The following GNAI2 variants were observed in gnomAD, a reference collection of about 807,000 sequenced individuals.
GNAI2 encodes the protein G protein subunit alpha i2, also known as guanine nucleotide-binding protein G(i) subunit alpha-2.
In GNAI2, 4 loss-of-function variants were observed where a neutral mutation model predicts 36.8. The ratio of observed to expected loss-of-function variants is 0.11; its 90% CI spans 0.05 to 0.25. GNAI2 has a LOEUF of 0.25. GNAI2 is among the 10% of genes least tolerant of loss of function. The pLI, the probability that GNAI2 is intolerant of heterozygous loss-of-function variation, is 1.00. For missense variants in GNAI2, 230 were observed against 481.3 expected (o/e 0.48, Z 4.89); for synonymous variants, 194 against 194.1 (o/e 1.00, Z 0.01).
chr3:50,256,038 CTG>C (rs1450122887), intron 4 of GNAI2, among the ~76,000 whole-genome samples, 152 bp from the exon 5 acceptor site: 1 of 106,864 alleles, frequency 9.4e-6, no homozygotes, highest in Non-Finnish European at 1.7e-5. Flanking sequence ...GAGTAACACT[CTG>C]TCTCAAAAAA....
chr3:50,240,898 G>C (rs1429280394), intron 1 of GNAI2, among the ~76,000 whole-genome samples: 1 of 145,626 alleles, frequency 6.9e-6, no homozygotes, highest in African/African-American at 2.6e-5. Flanking sequence ...CAGCCTGGGG[G>C]ACAGAGCAAG....
intron 4 of GNAI2, among the ~76,000 whole-genome samples, chr3:50,254,072 GC>G (rs782077852): frequency 2.0e-5 from 3 of 151,974 alleles, no homozygotes; most frequent in Non-Finnish European, 4.4e-5. Flanking sequence ...CTGGACCTCA[GC>G]TGTGACCCTC....
rs372024179 is a variant in GNAI2 at position 50,253,226 on chromosome 3, G to A, written c.464+42G>A. The A allele has an allele frequency of 2.3e-5, 35 of 1,540,750 alleles. No individual in the cohort carries two copies. Among genetic ancestry groups the A allele is most frequent in the Middle Eastern group, 1.7e-4 (1 of 5,834 alleles). ...GCTGGGCAGGGCAGGGCAGGGGCTG[G>A]GGGAGGACTAAAGGCTGGACCGGAG... On this transcript the variant is annotated intron_variant, in intron 4 of 8. Coordinates refer to ENST00000313601, the MANE Select transcript of GNAI2 (RefSeq NM_002070.4). This position sits in a 1 kb window ranked among gnomAD's most constrained non-coding sequence, Gnocchi z 4.2.
At chr3:50,228,544 C>T (rs1478702134), upstream of GNAI2, among the ~76,000 whole-genome samples, 1 of 141,674 alleles carries the variant, frequency 7.1e-6, no homozygotes, top group Non-Finnish European at 1.5e-5. Flanking sequence ...AGCAAGACTC[C>T]GTCTCCAAAA....
At chr3:50,249,092 C>T (rs1312624647) in intron 1 of GNAI2, among the ~76,000 whole-genome samples, 2 of 152,218 alleles carry the variant, frequency 1.3e-5, no homozygotes, top group African/African-American at 4.8e-5. Flanking sequence ...CCCGAAGTCA[C>T]ACAAGATGGG....
At chr3:50,250,569 A>G (rs1700530623) in intron 1 of GNAI2, among the ~76,000 whole-genome samples, 1 of 152,192 alleles carries the variant, frequency 6.6e-6, no homozygotes, top group African/African-American at 2.4e-5. Context: ...GAGCAGGAGC[A>G]CAGGGTCTGG....
At position 50,236,507 on chromosome 3, in the gene GNAI2, A is replaced by G. The variant is rs1373122704; in HGVS notation, c.118+54A>G. 2 of 1,550,346 alleles carry G rather than the reference A, an allele frequency of 1.3e-6. No individual in the cohort carries two copies. The highest frequency in any genetic ancestry group is 1.7e-6 in the Non-Finnish European group (2 of 1,154,078). The stretch of plus-strand genomic sequence containing the variant: ...TGATTCCCAGCTCGAATCCCCAGAC[A>G]AGGACTTTGACCTCCCAGACTAGGG... On this transcript the variant is annotated intron_variant, in intron 1 of 8. Coordinates refer to ENST00000313601, the MANE Select transcript of GNAI2 (RefSeq NM_002070.4). The surrounding 1 kb of genome is among the most constrained non-coding windows in gnomAD (Gnocchi z 4.0).
Position 50,258,774 on chromosome 3 carries a change from C to T in GNAI2, c.*431C>T. 2.6e-6 allele frequency: 1 copy of T among 382,254 alleles called. No homozygotes were observed. 23.7% of individuals were successfully genotyped at this position (382,254 alleles called of 1,614,324 possible). On this transcript the variant is annotated 3_prime_UTR_variant, in exon 9 of 9. Coordinates refer to ENST00000313601, the MANE Select transcript of GNAI2 (RefSeq NM_002070.4). ...GTTTACAGGGAGCCTCCTGCCCAGTCCCCCAACCCCAGCCGCTCGGAGGCC... is the reference window on the plus strand; with the variant it reads ...GTTTACAGGGAGCCTCCTGCCCAGTTCCCCAACCCCAGCCGCTCGGAGGCC...
At position 50,252,303 on chromosome 3, in the gene GNAI2, T is replaced by C; in HGVS notation, c.162-94T>C. On this transcript the variant is annotated intron_variant, in intron 2 of 8. Transcript: ENST00000313601. This position sits in a 1 kb window ranked among gnomAD's most constrained non-coding sequence, Gnocchi z 4.1. ...AGGTCCCAGTGGGTCAGGGGCAGTT[T>C]TCCCTTCTCTGAAGCAGGTCCCAGT... 1 of 1,474,844 alleles carries C rather than the reference T, an allele frequency of 6.8e-7. No homozygotes were observed. The allele number at this position is 1,474,844 out of a possible 1,614,324, so 91.4% of individuals were successfully genotyped here.
At chr3:50,231,015 C>G in intron 1 of GNAI2, 2 of 954,912 alleles carry the variant, frequency 2.1e-6, no homozygotes, top group Non-Finnish European at 2.5e-6. Flanking sequence ...TTCTTCAGCT[C>G]TCAGCCTTAA....
intron 1 of GNAI2, among the ~76,000 whole-genome samples, chr3:50,239,204 C>G (rs1379019500): frequency 2.0e-5 from 3 of 152,136 alleles, no homozygotes; most frequent in Admixed American, 2.0e-4. Flanking sequence ...TGGGATGGGC[C>G]TGTGTGGACA....
chr3:50,234,066 T>G, upstream of GNAI2, among the ~76,000 whole-genome samples: 1 of 143,704 alleles, frequency 7.0e-6, no homozygotes, highest in Admixed American at 6.9e-5. Context: ...CAGCTGATTT[T>G]TTTTTTTTTT....
intron 1 of GNAI2, among the ~76,000 whole-genome samples, chr3:50,245,536 C>T (rs1700395753): frequency 6.6e-6 from 1 of 152,236 alleles, no homozygotes; most frequent in African/African-American, 2.4e-5. Context: ...GCCTTGGGAA[C>T]AGCGGAGGGA....
At chr3:50,251,638 TCA>T (rs1559773163) in intron 1 of GNAI2, 1 of 1,319,332 alleles carries the variant, frequency 7.6e-7, no homozygotes, top group African/African-American at 1.5e-5. Flanking sequence ...TTGCTAAGGC[TCA>T]GTGTGGGGAG....
intron 1 of GNAI2, chr3:50,231,069 C>G (rs1700058984): frequency 6.0e-6 from 2 of 332,390 alleles, no homozygotes; most frequent in East Asian, 1.7e-4. Flanking sequence ...CTCAGACCTA[C>G]CACCCTACCT....
chr3:50,249,672 C>T (rs781880617), intron 1 of GNAI2, among the ~76,000 whole-genome samples: 1 of 152,228 alleles, frequency 6.6e-6, no homozygotes, highest in Non-Finnish European at 1.5e-5. Flanking sequence ...AATTCCAGAA[C>T]ATAATCACCA....
At chr3:50,230,869 A>G in exon 1 of GNAI2, 1 of 985,396 alleles carries the variant, frequency 1.0e-6, no homozygotes, top group Non-Finnish European at 1.2e-6. Context: ...CCCCAAAATG[A>G]ACTCTCCTGA....
At position 50,252,295 on chromosome 3, in the gene GNAI2, G is replaced by A; in HGVS notation, c.162-102G>A. 2.1e-6 allele frequency: 3 copies of A among 1,434,012 alleles called. No individual in the cohort carries two copies. The highest frequency in any genetic ancestry group is 2.9e-6 in the Non-Finnish European group (3 of 1,023,966). 88.8% of individuals were successfully genotyped at this position (1,434,012 alleles called of 1,614,324 possible). On this transcript the variant is annotated intron_variant, in intron 2 of 8. Transcript: ENST00000313601. The surrounding 1 kb of genome is among the most constrained non-coding windows in gnomAD (Gnocchi z 4.1). ...GGACCCTCAGGTCCCAGTGGGTCAGGGGCAGTTTTCCCTTCTCTGAAGCAG... is the reference window on the plus strand; with the variant it reads ...GGACCCTCAGGTCCCAGTGGGTCAGAGGCAGTTTTCCCTTCTCTGAAGCAG...
At position 50,241,903 on chromosome 3, in the gene GNAI2, A is replaced by G. The variant is rs1251979884; in HGVS notation, c.118+5450A>G. ...TCACTGATGTCCCAGGCCCTTGAAC[A>G]TCAGTTTGCCTGGCAAGTGGCAGCA... On this transcript the variant is annotated intron_variant, in intron 1 of 8. Coordinates refer to ENST00000313601, the MANE Select transcript of GNAI2 (RefSeq NM_002070.4). This position sits in a 1 kb window ranked among gnomAD's most constrained non-coding sequence, Gnocchi z 5.0. Among the ~76,000 whole-genome samples, 1 of 152,100 alleles carries G rather than the reference A, an allele frequency of 6.6e-6. No homozygotes were observed. Among genetic ancestry groups the G allele is most frequent in the Non-Finnish European group, 1.5e-5 (1 of 68,002 alleles).
Sources: gnomAD v4.1 joint callset for allele counts (sites outside exome capture counted in the v4.1 genomes callset) on GRCh38, gnomAD v4.1.1 for gene constraint, Gnocchi (gnomAD v3.1) non-coding constraint, MANE v1.5 for transcripts, NCBI Gene and HGNC (gene_info 2026-07-23, HGNC 2026-07-21) for gene names.